Variants in LRCH2 observed in about 807,000 individuals in gnomAD.
LRCH2 encodes the protein leucine rich repeats and calponin homology domain containing 2, also known as leucine-rich repeat and calponin homology domain-containing protein 2.
LRCH2 carries 38 observed loss-of-function variants against 68.9 expected under a neutral mutation model. That is an observed-to-expected ratio of 0.55 (90% CI 0.43 to 0.72). LRCH2 has a LOEUF of 0.72. LRCH2 is among the 30% of genes least tolerant of loss of function. LRCH2 has a pLI of 0.00. For synonymous variants in LRCH2, 191 were observed against 208.1 expected (o/e 0.92, Z 0.71); for missense variants, 528 against 572.9 (o/e 0.92, Z 0.80).
At chrX:115,163,627 T>C in intron 11 of LRCH2, 49 bp downstream of exon 11, 1 of 858,887 alleles carries the variant, frequency 1.2e-6, no homozygotes, top group Non-Finnish European at 1.7e-6. Flanking sequence ...ATAATCAATT[T>C]AATGATTATA....
At chrX:115,147,538 T>C (rs1189988778) in intron 14 of LRCH2, among the ~76,000 whole-genome samples, 18 of 111,811 alleles carry the variant, frequency 1.6e-4, no homozygotes, top group African/African-American at 5.8e-4. Context: ...GATTATGTAA[T>C]GAGCACTTCA....
chrX:115,192,355 G>A (rs1486507954), intron 1 of LRCH2: 5 of 1,079,334 alleles, frequency 4.6e-6, no homozygotes, highest in Admixed American at 2.9e-5. Flanking sequence ...CAAGAGTTAC[G>A]GCCTGAGCGA....
intron 20 of LRCH2, among the ~76,000 whole-genome samples, chrX:115,119,931 A>G (rs1455521829): frequency 2.7e-5 from 3 of 111,607 alleles, no homozygotes; most frequent in African/African-American, 6.5e-5. Context: ...AGGATTCCCT[A>G]TTTAATAAAT....
At chrX:115,166,130 T>C (rs2072557931) in intron 7 of LRCH2, 125 bp downstream of exon 7, 1 of 652,111 alleles carries the variant, frequency 1.5e-6, no homozygotes, top group African/African-American at 2.2e-5. Context: ...TTTTTTTCAG[T>C]TTTAGTCATA....
chrX:115,204,054 C>T (rs1400182564), intron 1 of LRCH2, among the ~76,000 whole-genome samples: 3 of 113,013 alleles, frequency 2.7e-5, no homozygotes, highest in Non-Finnish European at 5.6e-5. Flanking sequence ...GTTCCCAAAC[C>T]TCCACTCTTG....
At chrX:115,159,246 T>A (rs1453547638) in intron 11 of LRCH2, among the ~76,000 whole-genome samples, 1 of 110,919 alleles carries the variant, frequency 9.0e-6, no homozygotes, top group Non-Finnish European at 1.9e-5. Context: ...AACTTACTCA[T>A]CATGCAACAT....
chrX:115,175,857 T>C (rs1019676277), intron 5 of LRCH2, among the ~76,000 whole-genome samples: 4 of 111,887 alleles, frequency 3.6e-5, no homozygotes, highest in African/African-American at 1.3e-4. Context: ...AAGTAAAGTG[T>C]TTCACTAAGT....
chrX:115,185,407 C>A (rs146285285), intron 2 of LRCH2, among the ~76,000 whole-genome samples: 80 of 112,018 alleles, frequency 7.1e-4, no homozygotes, highest in Non-Finnish European at 1.4e-3. Context: ...GGTCTTTGCC[C>A]TCAAAGTACT....
intron 15 of LRCH2, among the ~76,000 whole-genome samples, chrX:115,129,881 G>T (rs192877344): frequency 7.8e-4 from 87 of 110,939 alleles, no homozygotes; most frequent in African/African-American, 2.7e-3. Context: ...AGATGTGAAA[G>T]ACAACACACA....
intron 17 of LRCH2, among the ~76,000 whole-genome samples, chrX:115,123,546 A>G (rs1490693333): frequency 1.8e-5 from 2 of 112,268 alleles, no homozygotes; most frequent in Non-Finnish European, 3.8e-5. Context: ...AATAAAAACT[A>G]TAGTTCAATA....
chrX:115,182,706 G>A (rs782657301), intron 3 of LRCH2, among the ~76,000 whole-genome samples: 1 of 108,522 alleles, frequency 9.2e-6, no homozygotes, highest in South Asian at 4.1e-4. Context: ...GGTGGCAGGT[G>A]CCTGTAATCC....
chrX:115,152,024 A>T (rs1259611448), intron 12 of LRCH2, among the ~76,000 whole-genome samples: 1 of 111,566 alleles, frequency 9.0e-6, no homozygotes, highest in African/African-American at 3.3e-5. Context: ...CTGATCATTG[A>T]ACATGTATGT....
chrX:115,122,614 AAG>A lies in LRCH2; in HGVS notation c.2101-12_2101-11del. 1 of 1,202,910 alleles carries A rather than the reference AAG, an allele frequency of 8.3e-7. No homozygotes were observed. The highest frequency in any genetic ancestry group is 1.8e-5 in the South Asian group (1 of 55,083). ...CCATGCTCAGTTTGGGCTGTAAAGT[AAG>A]AGGGAAAAAATGTACTTTTAGGCAT... On this transcript the variant is annotated splice_polypyrimidine_tract_variant and intron_variant, in intron 19 of 20. Coordinates refer to ENST00000317135, the MANE Select transcript of LRCH2 (RefSeq NM_020871.4).
intron 5 of LRCH2, among the ~76,000 whole-genome samples, chrX:115,171,683 T>C (rs781813102): frequency 9.6e-6 from 1 of 104,603 alleles, no homozygotes; most frequent in Non-Finnish European, 2.0e-5. Flanking sequence ...TGTTTTTTTG[T>C]TTTTTTTTTG....
intron 14 of LRCH2, among the ~76,000 whole-genome samples, chrX:115,135,811 C>T (rs1556531817): frequency 1.8e-5 from 2 of 111,903 alleles, no homozygotes; most frequent in Non-Finnish European, 3.8e-5. Context: ...CTACACAAGA[C>T]CCCCCACCAG....
chrX:115,190,746 C>A (rs782203878), intron 1 of LRCH2: 14 of 1,162,405 alleles, frequency 1.2e-5, no homozygotes, highest in Admixed American at 2.6e-5. Flanking sequence ...AGGCCCGCAG[C>A]GGGGGCCGCT....
intron 1 of LRCH2, among the ~76,000 whole-genome samples, chrX:115,227,293 TA>T (rs368561385): frequency 0.01 from 957 of 91,792 alleles, 6 homozygotes; most frequent in African/African-American, 0.02. Flanking sequence ...CCTTGTCTCT[TA>T]AAAAAAAAAA....
At chrX:115,146,897 T>TTACA (rs1371503146) in intron 14 of LRCH2, among the ~76,000 whole-genome samples, 5 of 77,385 alleles carry the variant, frequency 6.5e-5, no homozygotes, top group African/African-American at 2.5e-4. Flanking sequence ...GTTGGATTTC[T>TTACA]TACATACATA....
Position 115,233,926 on chromosome X carries a change from C to A in LRCH2, c.116G>T (p.Gly39Val). 8.6e-7 allele frequency: 1 copy of A among 1,162,401 alleles called. No individual in the cohort carries two copies. The highest frequency in any genetic ancestry group is 1.1e-6 in the Non-Finnish European group (1 of 870,554). Residue 39 changes from glycine (G) to valine (V), a missense_variant, in exon 1 of 21, where the codon GGC becomes GTC. Transcript: ENST00000317135. Reference sequence around the variant, plus strand: ...CACCAGGGTCCCGCCGCCGCCGCCGCCTCCCCCTCCAGCCCCGCCACCTCC... The same window carrying A: ...CACCAGGGTCCCGCCGCCGCCGCCGACTCCCCCTCCAGCCCCGCCACCTCC... ...GGGGGGAGGGGGGGGGTLVVP... is the reference protein window; with the variant it reads ...GGGGGGAGGGVGGGGGTLVVP...
Sources: gnomAD v4.1 joint callset for allele counts (sites outside exome capture counted in the v4.1 genomes callset) on GRCh38, gnomAD v4.1.1 for gene constraint, MANE v1.5 for transcripts, NCBI Gene and HGNC (gene_info 2026-07-23, HGNC 2026-07-21) for gene names.